Variants in WDR37 observed in about 807,000 individuals in gnomAD.
The protein encoded by WDR37 is WD repeat domain 37, also known as WD repeat-containing protein 37.
Under a neutral mutation model 62.9 loss-of-function variants are expected in WDR37, and 19 were observed. The ratio of observed to expected loss-of-function variants is 0.30; its 90% confidence interval spans 0.21 to 0.44. The LOEUF (loss-of-function observed/expected upper bound fraction) is 0.44, where lower values mean the gene tolerates loss of function less well. Ranked by LOEUF, WDR37 falls within the 20% of genes least tolerant of loss-of-function variation. The pLI is 1.00. For missense variants in WDR37, 474 were observed against 657.6 expected (o/e 0.72, Z 3.05); for synonymous variants, 250 against 260.9 (o/e 0.96, Z 0.40).
intron 11 of WDR37, among the ~76,000 whole-genome samples, chr10:1,116,502 C>A (rs1401473487): frequency 6.6e-6 from 1 of 152,124 alleles, no homozygotes; most frequent in African/African-American, 2.4e-5. Context: ...ATAATGGCCC[C>A]CAGTTCTATC....
At chr10:1,096,377 G>C in intron 9 of WDR37, 131 bp downstream of exon 9, 1 of 966,740 alleles carries the variant, frequency 1.0e-6, no homozygotes, top group Non-Finnish European at 1.6e-6. Context: ...CTCACCCCCG[G>C]TATGGTTGAA....
intron 2 of WDR37, chr10:1,074,262 A>C (rs1330146053): frequency 2.1e-5 from 23 of 1,111,318 alleles, no homozygotes; most frequent in East Asian, 6.0e-5. Flanking sequence ...GGCATGTTCT[A>C]GAGTTGTCTC....
intron 7 of WDR37, 140 bp downstream of exon 7, chr10:1,086,497 C>G (rs1834205772): frequency 1.6e-6 from 1 of 633,736 alleles, no homozygotes; most frequent in East Asian, 2.8e-5. Flanking sequence ...GTGGTCTGTT[C>G]AGAGACTGGG....
chr10:1,072,279 A>G lies in WDR37; in HGVS notation c.124A>G (p.Met42Val), dbSNP rs370872470. The G allele has an allele frequency of 4.3e-5, 69 of 1,613,844 alleles. No individual in the cohort carries two copies. Among genetic ancestry groups the G allele is most frequent in the Non-Finnish European group, 5.1e-5 (60 of 1,179,958 alleles). The change falls in exon 2 of 14, where the codon ATG (methionine) becomes GTG (valine). Residue 42 changes from methionine (M) to valine (V), a missense_variant. By Grantham distance (21) the Met-to-Val change is conservative. Transcript: ENST00000263150. Reference sequence around the variant, plus strand: ...GGAGAGGACGGGACTGCCAAGAGACATGTTAGAAGGACAAGTAAGCTACGA... The same window carrying G: ...GGAGAGGACGGGACTGCCAAGAGACGTGTTAGAAGGACAAGTAAGCTACGA... The part of the protein sequence containing the change: ...EQERTGLPRD[M>V]LEGQDSKLPS...
At chr10:1,109,982 C>G (rs1282510780) in intron 11 of WDR37, among the ~76,000 whole-genome samples, 1 of 152,176 alleles carries the variant, frequency 6.6e-6, no homozygotes, top group Non-Finnish European at 1.5e-5. Flanking sequence ...GGCTGTGCTT[C>G]CATTCACCTG....
chr10:1,080,573 GA>G, intron 5 of WDR37, 97 bp downstream of exon 5: 2 of 1,376,398 alleles, frequency 1.5e-6, no homozygotes, highest in Non-Finnish European at 2.0e-6. Flanking sequence ...AGGCATAGCA[GA>G]AAAAGATAAA....
Position 1,094,303 on chromosome 10 carries a change from T to C in WDR37, c.649+807T>C, listed in dbSNP as rs1337116539. On this transcript the variant is annotated intron_variant, in intron 8 of 13. Transcript: ENST00000263150. Reference sequence around the variant, plus strand: ...TTATTCACAAAAGTGGGCGGCTGTCTGGGTTTCGCCTATGGGCCAAATTGT... The same window carrying C: ...TTATTCACAAAAGTGGGCGGCTGTCCGGGTTTCGCCTATGGGCCAAATTGT... Among the ~76,000 whole-genome samples, 4 of 152,234 alleles carry C rather than the reference T, an allele frequency of 2.6e-5. No homozygotes were observed. In the East Asian group the frequency reaches 7.7e-4, roughly 29 times the overall value.
In WDR37 at chr10:1,103,379, TGTACGAGATG is replaced by T; in HGVS notation, c.727-220_727-211del. Among the ~76,000 whole-genome samples, 1 of 152,174 alleles carries T rather than the reference TGTACGAGATG, an allele frequency of 6.6e-6. No individual in the cohort carries two copies. Among genetic ancestry groups the T allele is most frequent in the Admixed American group, 6.5e-5 (1 of 15,280 alleles). ...ATGTTGTGGATTCCACTTTTTTTTC[TGTACGAGATG>T]GTCGTAGAGTTGATGGGTGTTCACG... On this transcript the variant is annotated intron_variant, in intron 9 of 13. Coordinates refer to ENST00000263150, the MANE Select transcript of WDR37 (RefSeq NM_014023.4). The surrounding 1 kb of genome is among the most constrained non-coding windows in gnomAD (Gnocchi z 6.3).
chr10:1,061,637 C>T (rs971237843), intron 1 of WDR37, among the ~76,000 whole-genome samples: 14 of 152,204 alleles, frequency 9.2e-5, no homozygotes, highest in African/African-American at 2.2e-4. Context: ...GCCAGGAGTT[C>T]GAAACCACCT....
intron 7 of WDR37, among the ~76,000 whole-genome samples, chr10:1,088,694 T>C (rs1253136811): frequency 7.3e-6 from 1 of 136,760 alleles, no homozygotes; most frequent in Non-Finnish European, 1.6e-5. Context: ...AAAAAGAAAT[T>C]AAAAAAAAAA....
chr10:1,084,511 C>T lies in WDR37; in HGVS notation c.505C>T (p.Pro169Ser). The T allele has an allele frequency of 6.2e-7, 1 of 1,614,176 alleles. No homozygotes were observed. The highest frequency in any genetic ancestry group is 1.1e-5 in the South Asian group (1 of 91,078). Residue 169 changes from proline (P) to serine (S), a missense_variant, in exon 6 of 14, where the codon CCA becomes TCA. By Grantham distance (74) the Pro-to-Ser change is moderately conservative. Transcript: ENST00000263150. Reference protein sequence around the residue: ...IWDVSVAKTQPVVLGTASADH... With the variant: ...IWDVSVAKTQSVVLGTASADH... ...GGATGTCAGCGTGGCCAAGACACAG[C>T]CAGTGGTGCTCGGGACTGCATCAGC... is the stretch of plus-strand genomic sequence containing the variant.
intron 11 of WDR37, among the ~76,000 whole-genome samples, chr10:1,122,490 TG>T (rs1371392361): frequency 9.9e-5 from 15 of 152,176 alleles, no homozygotes; most frequent in Admixed American, 9.2e-4. Flanking sequence ...CCTTCCTGGG[TG>T]GGCCACTCAT....
chr10:1,124,688 G>A (rs1589126139), intron 12 of WDR37, among the ~76,000 whole-genome samples: 1 of 125,000 alleles, frequency 8.0e-6, no homozygotes, highest in African/African-American at 2.8e-5. Flanking sequence ...GTGTGTGTGT[G>A]TGTGTATTGT....
intron 12 of WDR37, among the ~76,000 whole-genome samples, 175 bp downstream of exon 12, chr10:1,124,527 T>C (rs868410488): frequency 2.6e-5 from 4 of 152,204 alleles, no homozygotes; most frequent in Non-Finnish European, 5.9e-5. Flanking sequence ...TAACTTAGCC[T>C]AAAACCAGGT....
intron 13 of WDR37, among the ~76,000 whole-genome samples, chr10:1,127,150 T>C (rs1036413162): frequency 3.4e-4 from 52 of 152,364 alleles, no homozygotes; most frequent in Admixed American, 1.8e-3. Context: ...TCATGAAAAC[T>C]ATTTGTTTAT....
chr10:1,113,084 CTG>C (rs71376889), intron 11 of WDR37, among the ~76,000 whole-genome samples: 105,389 of 151,958 alleles, frequency 0.69, 38,402 homozygotes, highest in Middle Eastern at 0.81. Context: ...GAAGGACAGA[CTG>C]ATGCTCTTGT....
chr10:1,084,259 A>G, intron 5 of WDR37, 144 bp from the exon 6 acceptor site: 1 of 1,105,088 alleles, frequency 9.0e-7, no homozygotes, highest in East Asian at 2.6e-5. Flanking sequence ...TTCAGCTCAC[A>G]CTTGCGCTGT....
chr10:1,070,160 A>T (rs536336914), intron 1 of WDR37, among the ~76,000 whole-genome samples: 1 of 150,364 alleles, frequency 6.7e-6, no homozygotes, highest in South Asian at 2.1e-4. Flanking sequence ...GTGAGCTGAG[A>T]TCGTGCAACT....
At chr10:1,063,323 A>C (rs1833430516) in intron 1 of WDR37, among the ~76,000 whole-genome samples, 1 of 152,220 alleles carries the variant, frequency 6.6e-6, no homozygotes, top group African/African-American at 2.4e-5. Context: ...TACAAATCAC[A>C]GAACTTTTCG....
Sources: allele counts gnomAD v4.1 joint callset (sites outside exome capture counted in the v4.1 genomes callset), GRCh38; gene constraint gnomAD v4.1.1; non-coding constraint Gnocchi (gnomAD v3.1); transcripts MANE v1.5; gene names NCBI Gene and HGNC (gene_info 2026-07-23, HGNC 2026-07-21).